The following THBS4 variants were observed in gnomAD, a reference collection of about 807,000 sequenced individuals.
The protein encoded by THBS4 is thrombospondin 4.
In THBS4, 90 loss-of-function variants were observed where a neutral mutation model predicts 115.7. That is an observed-to-expected ratio of 0.78 (90% confidence interval 0.66 to 0.93). The LOEUF is 0.93. Ranked by LOEUF, THBS4 falls within the 40% of genes least tolerant of loss-of-function variation. The probability of loss-of-function intolerance (pLI) is 0.00; values close to 1 mark genes in which losing one functional copy is unlikely to be tolerated. For synonymous variants in THBS4, 460 were observed against 479.3 expected (o/e 0.96, Z 0.53); for missense variants, 1,087 against 1,232.7 (o/e 0.88, Z 1.77).
chr5:79,993,728 G>A (rs1021021826), intron 1 of THBS4, among the ~76,000 whole-genome samples: 4 of 152,170 alleles, frequency 2.6e-5, no homozygotes, highest in Non-Finnish European at 5.9e-5. Flanking sequence ...CTTAACTTGG[G>A]AGCCACAGTG....
At chr5:80,040,971 C>A (rs1832880837) in intron 2 of THBS4, among the ~76,000 whole-genome samples, 1 of 152,158 alleles carries the variant, frequency 6.6e-6, no homozygotes, top group Non-Finnish European at 1.5e-5. Context: ...GAGAACTAAT[C>A]CATTTTCACA....
intron 9 of THBS4, 25 bp from the exon 10 acceptor site, chr5:80,067,948 A>G (rs1300272948): frequency 6.2e-7 from 1 of 1,611,922 alleles, no homozygotes; most frequent in East Asian, 2.2e-5. Flanking sequence ...CTTTCAGCTC[A>G]TCACCTGATC....
At chr5:80,068,382 C>G in intron 10 of THBS4, 1 of 407,586 alleles carries the variant, frequency 2.5e-6, no homozygotes. Flanking sequence ...ATGCCAGAGC[C>G]TCCGGTGAAG....
chr5:80,074,194 T>C (rs1379833327), intron 15 of THBS4: 14 of 152,254 alleles, frequency 9.2e-5, no homozygotes, highest in Non-Finnish European at 1.8e-4. Flanking sequence ...TAGAAGGCTG[T>C]CAGTTTGCTG....
upstream of THBS4, chr5:80,033,197 T>C (rs1238414793): frequency 2.2e-6 from 1 of 459,122 alleles, no homozygotes; most frequent in Non-Finnish European, 4.4e-6. Context: ...TTCAGCAGCA[T>C]GTTGGGGATC....
At chr5:80,070,812 T>C (rs1834019383) in intron 12 of THBS4, 62 bp downstream of exon 12, 2 of 1,588,748 alleles carry the variant, frequency 1.3e-6, no homozygotes, top group South Asian at 2.2e-5. Context: ...GGAGAAAGCC[T>C]GTGATGTCAA....
chr5:80,028,557 C>A (rs1832524889), intron 2 of THBS4, among the ~76,000 whole-genome samples: 1 of 151,794 alleles, frequency 6.6e-6, no homozygotes. Context: ...CTCCCGAGTT[C>A]AAGCGATTCT....
intron 2 of THBS4, among the ~76,000 whole-genome samples, chr5:80,007,156 T>C (rs1244760769): frequency 6.6e-6 from 1 of 152,324 alleles, no homozygotes; most frequent in African/African-American, 2.4e-5. Context: ...TCATCCTCAT[T>C]CATAATTCCA....
chr5:80,082,447 G>C lies in THBS4; in HGVS notation c.2726G>C (p.Gly909Ala). Residue 909 changes from glycine to alanine, a missense_variant, in exon 21 of 22, where the codon GGC becomes GCC. By Grantham distance (60) the Gly-to-Ala change is moderately conservative (BLOSUM62 0). Transcript: ENST00000350881. ...GGCTCTGAGTTGGTGGCTGACTCTGGCGTCACCATAGACACCACAATGCGT... is the reference window on the plus strand; with the variant it reads ...GGCTCTGAGTTGGTGGCTGACTCTGCCGTCACCATAGACACCACAATGCGT... ...YEGSELVADS[G>A]VTIDTTMRGG... 6.2e-7 allele frequency: 1 copy of C among 1,614,162 alleles called. No individual in the cohort carries two copies.
chr5:80,055,668 C>A, intron 2 of THBS4, 117 bp from the exon 3 acceptor site: 1 of 1,402,206 alleles, frequency 7.1e-7, no homozygotes. Context: ...CGTCCAGCAA[C>A]CCAGTCTTGT....
At chr5:79,995,079 G>A (rs1046933951) in intron 1 of THBS4, among the ~76,000 whole-genome samples, 1 of 152,196 alleles carries the variant, frequency 6.6e-6, no homozygotes, top group African/African-American at 2.4e-5. Context: ...AACGAATGCT[G>A]GGTTTGGTTA....
In THBS4 at chr5:80,082,487, C is replaced by T. The variant is rs1743565348; in HGVS notation, c.2766C>T (p.Gly922=). The T allele has an allele frequency of 6.2e-7, 1 of 1,614,210 alleles. No individual in the cohort carries two copies. Among genetic ancestry groups the T allele is most frequent in the South Asian group, 1.1e-5 (1 of 91,086 alleles). Residue 922 remains glycine (G), a synonymous_variant, in exon 21 of 22, where the codon GGC becomes GGT. Transcript: ENST00000350881. ...CCACAATGCGTGGAGGCCGACTTGG[C>T]GTTTTCTGCTTCTCTCAAGAAAACA... The part of the protein sequence containing the change: ...IDTTMRGGRL[G]VFCFSQENII...
At chr5:80,063,852 A>G (rs1833720934) in intron 8 of THBS4, among the ~76,000 whole-genome samples, 1 of 152,240 alleles carries the variant, frequency 6.6e-6, no homozygotes, top group Non-Finnish European at 1.5e-5. Context: ...CCAAAGTCAA[A>G]GAAAATAAAA....
intron 2 of THBS4, among the ~76,000 whole-genome samples, chr5:80,004,292 T>C (rs1290869636): frequency 6.6e-6 from 1 of 152,232 alleles, no homozygotes; most frequent in Non-Finnish European, 1.5e-5. Flanking sequence ...GTAAATGATA[T>C]TGTTCAGATT....
At chr5:80,059,291 C>G in intron 5 of THBS4, 149 bp from the exon 6 acceptor site, 1 of 748,736 alleles carries the variant, frequency 1.3e-6, no homozygotes, top group Non-Finnish European at 2.1e-6. Flanking sequence ...GATCGTGCCA[C>G]TGCACTCCAG....
At chr5:80,039,552 G>A (rs183627414) in intron 1 of THBS4, among the ~76,000 whole-genome samples, 34 of 152,310 alleles carry the variant, frequency 2.2e-4, no homozygotes, top group African/African-American at 7.0e-4. Context: ...TCTCACAAAG[G>A]TGGCAAATCA....
intron 1 of THBS4, among the ~76,000 whole-genome samples, chr5:80,039,485 A>AT (rs1293463772): frequency 1.3e-5 from 2 of 152,178 alleles, no homozygotes; most frequent in African/African-American, 4.8e-5. Context: ...CCACATTGGG[A>AT]TTTTTTTAAA....
chr5:79,992,060 T>C (rs954454327), intron 1 of THBS4, among the ~76,000 whole-genome samples: 3 of 152,212 alleles, frequency 2.0e-5, no homozygotes, highest in Admixed American at 1.3e-4. Context: ...TCTTAAGTTT[T>C]GAACAAGGGG....
In THBS4 at chr5:80,013,320, A is replaced by AGTAGAAACAGGTTTCACCAT. The variant is rs571526475; in HGVS notation, n.177+14896_177+14915dup. Among the ~76,000 whole-genome samples, 861 of 151,924 alleles carry AGTAGAAACAGGTTTCACCAT rather than the reference A, an allele frequency of 5.7e-3. 7 individuals are homozygous for AGTAGAAACAGGTTTCACCAT. The highest frequency in any genetic ancestry group is 0.02 in the African/African-American group (822 of 41,406). On this transcript the variant is annotated intron_variant and non_coding_transcript_variant, in intron 2 of 3. Transcript: ENST00000510218. The stretch of plus-strand genomic sequence containing the variant: ...ACGCCTGCCTAATTTTTCTATTTTT[A>AGTAGAAACAGGTTTCACCAT]GTAGAAACAGGTTTCACCATGTTGG...
Sources: allele counts gnomAD v4.1 joint callset (sites outside exome capture counted in the v4.1 genomes callset), GRCh38; gene constraint gnomAD v4.1.1; transcripts MANE v1.5; gene names NCBI Gene and HGNC (gene_info 2026-07-23, HGNC 2026-07-21).